The following RPS29 variants were observed in gnomAD, a reference collection of about 807,000 sequenced individuals.
RPS29 encodes the protein ribosomal protein S29, also known as small ribosomal subunit protein uS14.
For missense variants in RPS29, 60 were observed against 75.7 expected, an observed-to-expected ratio of 0.79 and a Z score of 0.77; for synonymous variants, 37 against 26.9, an observed-to-expected ratio of 1.37 and a Z score of -1.16.
rs1225020017 is a variant in RPS29, at chr14:49,585,379, A to AC, written c.162+570_162+571insG. 2.1e-3 allele frequency: 302 copies of AC among 142,828 alleles called. 3 individuals are homozygous for AC. Among genetic ancestry groups the AC allele is most frequent in the Middle Eastern group, 7.0e-3 (2 of 286 alleles). The allele number at this position is 142,828 out of a possible 1,614,324, so 8.8% of individuals were successfully genotyped here. ...ACTCCGACTCAAAAAAAAAAAAAAAAAAACTTGGGGTCAGCGGTTAATACA... is the reference window on the plus strand; with the variant it reads ...ACTCCGACTCAAAAAAAAAAAAAAAACAAACTTGGGGTCAGCGGTTAATACA... On this transcript the variant is annotated intron_variant, in intron 2 of 2. Coordinates refer to ENST00000245458, the MANE Select transcript of RPS29 (RefSeq NM_001032.5).
At chr14:49,582,534 T>A (rs12436916), downstream of RPS29, among the ~76,000 whole-genome samples, 29,666 of 152,262 alleles carry the variant, frequency 0.19, 3,170 homozygotes, top group Admixed American at 0.28. Context: ...CACATTATTA[T>A]GTATTGCTGC....
chr14:49,582,572 A>C (rs1299653011), downstream of RPS29, among the ~76,000 whole-genome samples: 2 of 152,086 alleles, frequency 1.3e-5, no homozygotes, highest in Non-Finnish European at 2.9e-5. Context: ...TCAATTGAGA[A>C]GTTTTCATTC....
At position 49,586,351 on chromosome 14, in the gene RPS29, C is replaced by G; in HGVS notation, c.-5G>C. On this transcript the variant is annotated 5_prime_UTR_variant, in exon 1 of 3. Coordinates refer to ENST00000245458, the MANE Select transcript of RPS29 (RefSeq NM_001032.5). ...GTACAGCTGCTGGTGACCCATCTTGCTCTCAGCAGTGCAACGAGGTAAAAG... is the reference window on the plus strand; with the variant it reads ...GTACAGCTGCTGGTGACCCATCTTGGTCTCAGCAGTGCAACGAGGTAAAAG... The G allele has an allele frequency of 6.2e-7, 1 of 1,613,742 alleles. No individual in the cohort carries two copies. The highest frequency in any genetic ancestry group is 8.5e-7 in the Non-Finnish European group (1 of 1,179,610).
At chr14:49,594,016 T>G (rs1881769969) in intron 1 of RPS29, among the ~76,000 whole-genome samples, 1 of 152,228 alleles carries the variant, frequency 6.6e-6, no homozygotes, top group African/African-American at 2.4e-5. Context: ...TCAAATAGTG[T>G]ACCTTTACTC....
chr14:49,598,310 A>T, intron 1 of RPS29: 1 of 607,920 alleles, frequency 1.6e-6, no homozygotes. Flanking sequence ...CAATCAATCA[A>T]GAAAATCAAG....
downstream of RPS29, chr14:49,583,575 A>C: frequency 7.1e-7 from 1 of 1,409,214 alleles, no homozygotes; most frequent in Non-Finnish European, 9.8e-7. Context: ...CATAAACTGA[A>C]GGGTTTTTTC....
chr14:49,575,098 C>A (rs1010574038), exon 3 of RPS29: 1 of 152,534 alleles, frequency 6.6e-6, no homozygotes, highest in African/African-American at 2.4e-5. Flanking sequence ...TGGAGTGCAG[C>A]GGCCTGATCT....
intron 2 of RPS29, chr14:49,577,950 TTA>T: frequency 1.2e-6 from 1 of 808,394 alleles, no homozygotes; most frequent in South Asian, 1.5e-5. Flanking sequence ...GTGAAACATG[TTA>T]TGTCACTATC....
chr14:49,591,943 C>T (rs1881722472), intron 1 of RPS29, among the ~76,000 whole-genome samples: 1 of 152,064 alleles, frequency 6.6e-6, no homozygotes, highest in African/African-American at 2.4e-5. Context: ...TTAAAGTCCA[C>T]TTAGCAAGAT....
At position 49,585,978 on chromosome 14, in the gene RPS29, T is replaced by C; in HGVS notation, c.134A>G (p.Gln45Arg). Residue 45 changes from glutamine to arginine, a missense_variant, in exon 2 of 3, where the codon CAG becomes CGG. Coordinates refer to ENST00000245458, the MANE Select transcript of RPS29 (RefSeq NM_001032.5). ...AATGAAACCGATATCCTTCGCGTAC[T>C]GACGGAAACACTGGCGGCACATATT... ...GLNMCRQCFR[Q>R]YAKDIGFIKL... 6.2e-7 allele frequency: 1 copy of C among 1,613,936 alleles called. No individual in the cohort carries two copies. Among genetic ancestry groups the C allele is most frequent in the Non-Finnish European group, 8.5e-7 (1 of 1,179,836 alleles).
At chr14:49,579,467 C>A (rs1057127717), downstream of RPS29, among the ~76,000 whole-genome samples, 1 of 152,126 alleles carries the variant, frequency 6.6e-6, no homozygotes, top group Non-Finnish European at 1.5e-5. Flanking sequence ...TTTGGGAGAC[C>A]AAGGCAAGAG....
rs373461296 is a variant in RPS29, at chr14:49,586,338, G to C, written c.9C>G (p.His3Gln). 2 of 1,613,742 alleles carry C rather than the reference G, an allele frequency of 1.2e-6. No homozygotes were observed. The highest frequency in any genetic ancestry group is 1.3e-5 in the African/African-American group (1 of 74,912). Residue 3 changes from histidine (H) to glutamine (Q), a missense_variant, in exon 1 of 3, where the codon CAC becomes CAG. Physicochemically the swap from His to Gln is conservative, Grantham distance 24. Coordinates refer to ENST00000245458, the MANE Select transcript of RPS29 (RefSeq NM_001032.5). ...GCGGGTGGCTCCAGTACAGCTGCTG[G>C]TGACCCATCTTGCTCTCAGCAGTGC... MG[H>Q]QQLYWSHPRK...
In RPS29 at chr14:49,578,419, CAT is replaced by C. The variant is rs894928933; in HGVS notation, c.163-568_163-567del. On this transcript the variant is annotated intron_variant, in intron 2 of 2. Coordinates refer to the RPS29 transcript ENST00000396020. Reference sequence around the variant, plus strand: ...AAGTCAAATGCTGCTAACATAATGACATGTTTCCTTCTGATTTTTTTCCCTGT... The same window carrying C: ...AAGTCAAATGCTGCTAACATAATGACGTTTCCTTCTGATTTTTTTCCCTGT... Among the ~76,000 whole-genome samples, 18 of 152,152 alleles carry C rather than the reference CAT, an allele frequency of 1.2e-4. No homozygotes were observed. In the East Asian group the frequency reaches 1.9e-3, roughly 16 times the overall value.
intron 2 of RPS29, among the ~76,000 whole-genome samples, chr14:49,584,769 A>C (rs1881462067): frequency 6.9e-6 from 1 of 144,710 alleles, no homozygotes; most frequent in South Asian, 2.1e-4. Context: ...TTCAAAACAA[A>C]AAAAAAAATT....
exon 1 of RPS29, chr14:49,598,500 C>G (rs563268931): frequency 1.4e-6 from 1 of 702,422 alleles, no homozygotes; most frequent in East Asian, 2.7e-5. Context: ...AGAGCAGCCA[C>G]CAAAACCACC....
chr14:49,590,366 C>T (rs570002494), upstream of RPS29, among the ~76,000 whole-genome samples: 6 of 152,042 alleles, frequency 3.9e-5, no homozygotes, highest in South Asian at 8.3e-4. Flanking sequence ...GTCCCAGCTA[C>T]TCTGGAGGCT....
At chr14:49,598,290 C>T in intron 1 of RPS29, 1 of 598,784 alleles carries the variant, frequency 1.7e-6, no homozygotes, top group East Asian at 2.8e-5. Flanking sequence ...AGCCGGGCCC[C>T]GTCCTAGTTC....
At chr14:49,596,326 C>T (rs1881822072) in intron 1 of RPS29, among the ~76,000 whole-genome samples, 1 of 152,088 alleles carries the variant, frequency 6.6e-6, no homozygotes, top group Non-Finnish European at 1.5e-5. Flanking sequence ...ATTTTTAACT[C>T]CTTATGTATT....
At chr14:49,595,226 A>G (rs1389194901) in intron 1 of RPS29, among the ~76,000 whole-genome samples, 1 of 152,006 alleles carries the variant, frequency 6.6e-6, no homozygotes, top group Admixed American at 6.6e-5. Context: ...TAACTCCAAC[A>G]TCTGGATCAA....
Sources: gnomAD v4.1 joint callset for allele counts (sites outside exome capture counted in the v4.1 genomes callset) on GRCh38, gnomAD v4.1.1 for gene constraint, MANE v1.5 for transcripts, NCBI Gene and HGNC (gene_info 2026-07-23, HGNC 2026-07-21) for gene names.